The following CPS1 variants were observed in gnomAD, a reference collection of about 807,000 sequenced individuals.
CPS1 encodes the protein carbamoyl-phosphate synthase [ammonia], mitochondrial.
CPS1 carries 109 observed loss-of-function variants against 174.6 expected under a neutral mutation model. That is an observed-to-expected ratio of 0.62 (90% CI 0.53 to 0.73). The LOEUF is 0.73. Ranked by LOEUF, CPS1 falls within the 30% of genes least tolerant of loss-of-function variation. The pLI is 0.00. For synonymous variants in CPS1, 637 were observed against 632.0 expected, an observed-to-expected ratio of 1.01 and a Z score of -0.12; for missense variants, 1,689 against 1,821.9, an observed-to-expected ratio of 0.93 and a Z score of 1.33.
At chr2:210,577,782 T>G (rs1168534847) in intron 4 of CPS1, among the ~76,000 whole-genome samples, 2 of 152,290 alleles carry the variant, frequency 1.3e-5, no homozygotes, top group South Asian at 2.1e-4. Context: ...GATAAAATTT[T>G]AGCATTTTCT....
At chr2:210,634,941 A>C (rs1699999160) in intron 21 of CPS1, among the ~76,000 whole-genome samples, 1 of 152,128 alleles carries the variant, frequency 6.6e-6, no homozygotes, top group South Asian at 2.1e-4. Flanking sequence ...ATCTACATAA[A>C]GTTGAACTTT....
chr2:210,642,645 C>T lies in CPS1; in HGVS notation c.3121C>T (p.Leu1041=), dbSNP rs146064786. ...TGAAGAGTTGTCCTTGGAGAGAATC[C>T]TAGACATCTACCATCAGGAGGTAAG... is the stretch of plus-strand genomic sequence containing the variant. ...YFEELSLERI[L]DIYHQEACGG... is the part of the protein sequence containing the mutation. Residue 1041 remains leucine (L), a synonymous_variant, in exon 25 of 38, where the codon CTA becomes TTA. Coordinates refer to ENST00000233072, the MANE Select transcript of CPS1 (RefSeq NM_001875.5). 4.2e-5 allele frequency: 67 copies of T among 1,613,474 alleles called. No individual in the cohort carries two copies. Among genetic ancestry groups the T allele is most frequent in the Middle Eastern group, 3.3e-4 (2 of 6,078 alleles).
intron 13 of CPS1, among the ~76,000 whole-genome samples, chr2:210,596,447 CA>C (rs1393835427): frequency 6.6e-6 from 1 of 151,820 alleles, no homozygotes; most frequent in African/African-American, 2.4e-5. Context: ...AATAGTTGGC[CA>C]AAGGTTTTCT....
chr2:210,492,788 AACAAACAATATAAAAT>A (rs1694904580), intron 1 of CPS1, among the ~76,000 whole-genome samples: 1 of 152,152 alleles, frequency 6.6e-6, no homozygotes, highest in African/African-American at 2.4e-5. Context: ...GTACTGTTTT[AACAAACAATATAAAAT>A]ACAAAGGATT....
chr2:210,651,732 A>G (rs1171787545), intron 28 of CPS1, among the ~76,000 whole-genome samples: 11 of 152,216 alleles, frequency 7.2e-5, no homozygotes, highest in Non-Finnish European at 1.5e-4. Context: ...TTACAGTTCA[A>G]TGTTCCCTAT....
chr2:210,519,831 C>A (rs1430806325), intron 1 of CPS1: 1 of 976,510 alleles, frequency 1.0e-6, no homozygotes, highest in South Asian at 4.7e-5. Context: ...TGCAAAAGTT[C>A]CTAATGAAAA....
intron 21 of CPS1, among the ~76,000 whole-genome samples, chr2:210,635,499 G>C (rs1195410460): frequency 6.6e-6 from 1 of 152,210 alleles, no homozygotes; most frequent in Non-Finnish European, 1.5e-5. Context: ...TGGAGCCACT[G>C]ACCATGTGTG....
chr2:210,577,764 AG>A lies in CPS1; in HGVS notation c.471+258del, dbSNP rs539204261. On this transcript the variant is annotated intron_variant, in intron 4 of 37. Transcript: ENST00000233072. Reference sequence around the variant, plus strand: ...GGTAGCACTTCACATTTGGGAAGGGAGGGGTAAGATAAAATTTTAGCATTTT... The same window carrying A: ...GGTAGCACTTCACATTTGGGAAGGGAGGGTAAGATAAAATTTTAGCATTTT... 1.7e-3 allele frequency among the ~76,000 whole-genome samples: 266 copies of A among 152,216 alleles called. 2 individuals carry two copies. The highest frequency in any genetic ancestry group is 6.1e-3 in the African/African-American group (253 of 41,542).
At position 210,668,379 on chromosome 2, in the gene CPS1, A is replaced by G. The variant is rs924241107; in HGVS notation, c.4101+95A>G. The G allele has an allele frequency of 7.8e-6, 7 of 902,650 alleles. No homozygotes were observed. The Admixed American group carries it at 1.0e-4, about 13-fold the overall frequency. 55.9% of individuals were successfully genotyped at this position (902,650 alleles called of 1,614,324 possible). On this transcript the variant is annotated intron_variant, in intron 34 of 37. Coordinates refer to ENST00000233072, the MANE Select transcript of CPS1 (RefSeq NM_001875.5). ...TTAATTGTGGTATAGAGGAAGGGAGATTTGTTTTACGTTTCCGTTTATGGC... is the reference window on the plus strand; with the variant it reads ...TTAATTGTGGTATAGAGGAAGGGAGGTTTGTTTTACGTTTCCGTTTATGGC...
At position 210,605,228 on chromosome 2, in the gene CPS1, G is replaced by A. The variant is rs1329972172; in HGVS notation, c.1963G>A (p.Ala655Thr). The part of the protein sequence containing the change: ...VTVCNMENVD[A>T]MGVHTGDSVV... ...TGTCTGTAACATGGAAAATGTTGATGCCATGGGTGTTCACACAGGTAGGCA... is the reference window on the plus strand; with the variant it reads ...TGTCTGTAACATGGAAAATGTTGATACCATGGGTGTTCACACAGGTAGGCA... The change falls in exon 17 of 38, where the codon GCC (alanine) becomes ACC (threonine). Residue 655 changes from alanine (A) to threonine (T), a missense_variant. Ala to Thr is a moderately conservative substitution (Grantham distance 58, BLOSUM62 0). Transcript: ENST00000233072. The A allele has an allele frequency of 2.5e-6, 4 of 1,611,980 alleles. No individual in the cohort carries two copies. Among genetic ancestry groups the A allele is most frequent in the African/African-American group, 1.3e-5 (1 of 74,870 alleles).
chr2:210,634,812 T>C (rs539963796), intron 21 of CPS1, among the ~76,000 whole-genome samples: 1 of 152,222 alleles, frequency 6.6e-6, no homozygotes, highest in African/African-American at 2.4e-5. Flanking sequence ...ACAATGAATG[T>C]GGCTACCCTC....
chr2:210,537,738 T>C (rs1696294325), intron 1 of CPS1, among the ~76,000 whole-genome samples: 1 of 152,152 alleles, frequency 6.6e-6, no homozygotes, highest in African/African-American at 2.4e-5. Flanking sequence ...CATCAGGTAC[T>C]GTTGATGGAT....
chr2:210,532,148 T>A lies in CPS1; in HGVS notation c.4-24571T>A, dbSNP rs189464132. ...GGTGAAAGCTTAAGCATTTCATTAG[T>A]CTTGACCAGATCACAAAGAACTATG... On this transcript the variant is annotated intron_variant, in intron 1 of 38. Transcript: ENST00000430249. Among the ~76,000 whole-genome samples, 11 of 152,220 alleles carry A rather than the reference T, an allele frequency of 7.2e-5. No individual in the cohort carries two copies. In the East Asian group the frequency reaches 2.1e-3, roughly 29 times the overall value.
At chr2:210,646,501 G>A (rs557605269) in intron 25 of CPS1, among the ~76,000 whole-genome samples, 3 of 152,168 alleles carry the variant, frequency 2.0e-5, no homozygotes, top group East Asian at 3.9e-4. Flanking sequence ...CCTTATAAGA[G>A]TATTTCAGAA....
In CPS1 at chr2:210,600,701, G is replaced by T. The variant is rs1333162708; in HGVS notation, c.1696G>T (p.Ala566Ser). The T allele has an allele frequency of 1.9e-6, 3 of 1,611,942 alleles. No homozygotes were observed. In the South Asian group the frequency reaches 3.3e-5, roughly 18 times the overall value. ...CAATGAAAAGATTGCTCCAAGTTTT[G>T]CAGTGGAATCGGTAAGGATTCTTTG... ...EINEKIAPSFAVESIEDALKA... is the reference protein window; with the variant it reads ...EINEKIAPSFSVESIEDALKA... The change falls in exon 15 of 38, where the codon GCA becomes TCA. Residue 566 changes from alanine to serine, a missense_variant. Ala to Ser is a moderately conservative substitution (Grantham distance 99). Coordinates refer to ENST00000233072, the MANE Select transcript of CPS1 (RefSeq NM_001875.5).
chr2:210,543,615 A>C (rs187977261), intron 1 of CPS1, among the ~76,000 whole-genome samples: 2 of 152,180 alleles, frequency 1.3e-5, no homozygotes, highest in East Asian at 1.9e-4. Flanking sequence ...ATTCCTGCAG[A>C]GTTTGTAATC....
chr2:210,514,509 G>C (rs1243979213), intron 1 of CPS1, among the ~76,000 whole-genome samples: 1 of 151,488 alleles, frequency 6.6e-6, no homozygotes, highest in Non-Finnish European at 1.5e-5. Flanking sequence ...GAAATGCTCT[G>C]GATTTTTGTA....
chr2:210,630,942 T>G (rs945387530), intron 21 of CPS1, among the ~76,000 whole-genome samples: 6 of 151,644 alleles, frequency 4.0e-5, no homozygotes, highest in Middle Eastern at 3.4e-3. Context: ...TCAGAGAACA[T>G]ATATCTTACT....
chr2:210,633,372 G>A (rs7607234), intron 21 of CPS1, among the ~76,000 whole-genome samples: 7 of 151,044 alleles, frequency 4.6e-5, no homozygotes, highest in African/African-American at 1.7e-4. Context: ...CTTCTTTCTC[G>A]TTCTCCCTTC....
Sources: gnomAD v4.1 joint callset for allele counts (sites outside exome capture counted in the v4.1 genomes callset) on GRCh38, gnomAD v4.1.1 for gene constraint, MANE v1.5 for transcripts, NCBI Gene and HGNC (gene_info 2026-07-23, HGNC 2026-07-21) for gene names.